The following SEMA5B variants were observed in gnomAD, a reference collection of about 807,000 sequenced individuals.
SEMA5B encodes semaphorin-5B.
Under a neutral mutation model 135.0 loss-of-function variants are expected in SEMA5B, and 66 were observed. The ratio of observed to expected loss-of-function variants is 0.49; its 90% CI spans 0.40 to 0.60. The LOEUF (loss-of-function observed/expected upper bound fraction) is 0.60. Among genes scored for constraint, SEMA5B ranks in the 20% least tolerant of loss-of-function variants. The pLI, the probability that SEMA5B is intolerant of heterozygous loss-of-function variation, is 0.00. For missense variants in SEMA5B, 1,501 were observed against 1,566.3 expected (o/e 0.96, Z 0.70); for synonymous variants, 690 against 639.5 (o/e 1.08, Z -1.19).
chr3:122,937,153 C>A (rs1298479993), intron 5 of SEMA5B, among the ~76,000 whole-genome samples: 2 of 152,198 alleles, frequency 1.3e-5, no homozygotes, highest in Admixed American at 1.3e-4. Context: ...TGGGCGGGGG[C>A]ACCCTGGCCC....
At chr3:122,947,639 T>A (rs769381707) in intron 3 of SEMA5B, among the ~76,000 whole-genome samples, 3 of 152,182 alleles carry the variant, frequency 2.0e-5, no homozygotes, top group Non-Finnish European at 1.5e-5. Flanking sequence ...TGGCCCACCA[T>A]GCCTAGGCCT....
chr3:122,914,254 A>G (rs1288787290), intron 14 of SEMA5B, among the ~76,000 whole-genome samples: 1 of 152,226 alleles, frequency 6.6e-6, no homozygotes, highest in East Asian at 1.9e-4. Flanking sequence ...ACGTAGAGGT[A>G]GGACATGGCC....
Position 122,927,861 on chromosome 3 carries a change from G to T in SEMA5B, c.779C>A (p.Pro260His), listed in dbSNP as rs2107655059. 6.3e-7 allele frequency: 1 copy of T among 1,589,164 alleles called. No individual in the cohort carries two copies. The highest frequency in any genetic ancestry group is 1.4e-5 in the African/African-American group (1 of 73,942). Residue 260 changes from proline to histidine, a missense_variant, in exon 8 of 23, where the codon CCT (proline) becomes CAT (histidine). Around this residue, in one of 2 missense-constraint regions of SEMA5B, gnomAD observed 574 missense variants for 684.7 expected, o/e 0.84. Coordinates refer to ENST00000357599, the MANE Select transcript of SEMA5B (RefSeq NM_001031702.4). The stretch of plus-strand genomic sequence containing the variant: ...ACTGCCCAGGCTGCGGTAGATGGCA[G>T]GGTCCCGACCTGAGAAGTCGATGAC... Reference protein sequence around the residue: ...ATVIDFSGRDPAIYRSLGSGP... With the variant: ...ATVIDFSGRDHAIYRSLGSGP...
chr3:122,970,690 T>A (rs1217746045), intron 1 of SEMA5B, among the ~76,000 whole-genome samples: 1 of 152,234 alleles, frequency 6.6e-6, no homozygotes, highest in Non-Finnish European at 1.5e-5. Flanking sequence ...ATCACAGCCT[T>A]CCTGCAAGGT....
chr3:122,995,538 T>C (rs925816050), intron 1 of SEMA5B, among the ~76,000 whole-genome samples: 5 of 152,120 alleles, frequency 3.3e-5, no homozygotes, highest in African/African-American at 1.2e-4. Context: ...GGGCCACACA[T>C]GGTTTACATC....
chr3:122,943,792 C>A lies in SEMA5B; in HGVS notation c.329-257G>T, dbSNP rs540153467. Among the ~76,000 whole-genome samples, 9 of 152,286 alleles carry A rather than the reference C, an allele frequency of 5.9e-5. No homozygotes were observed. The East Asian group carries it at 1.7e-3, about 29-fold the overall frequency. On this transcript the variant is annotated intron_variant, in intron 3 of 22. Coordinates refer to ENST00000357599, the MANE Select transcript of SEMA5B (RefSeq NM_001031702.4). Reference sequence around the variant, plus strand: ...AGAGGCATGAAGGGATACTTATACTCGCCCTTGACTTCCCCCAGACCTTCA... The same window carrying A: ...AGAGGCATGAAGGGATACTTATACTAGCCCTTGACTTCCCCCAGACCTTCA...
intron 1 of SEMA5B, among the ~76,000 whole-genome samples, chr3:123,007,740 A>C (rs2107781948): frequency 6.6e-6 from 1 of 152,344 alleles, no homozygotes; most frequent in African/African-American, 2.4e-5. Context: ...CACTAGATGC[A>C]GTCCCTTGAC....
At chr3:123,020,063 A>G (rs559943312) in intron 1 of SEMA5B, among the ~76,000 whole-genome samples, 2 of 152,376 alleles carry the variant, frequency 1.3e-5, no homozygotes, top group South Asian at 4.1e-4. Context: ...GTGAAAAAGC[A>G]TCAATATTCC....
rs536465499 is a variant in SEMA5B at position 122,983,650 on chromosome 3, G to A, written c.-38-22349C>T. ...GGAGAATGGCGTGAACCCGGGAGGCGGAGCTTGCAGTGAACCAAGATCACG... is the reference window on the plus strand; with the variant it reads ...GGAGAATGGCGTGAACCCGGGAGGCAGAGCTTGCAGTGAACCAAGATCACG... On this transcript the variant is annotated intron_variant, in intron 1 of 22. Transcript: ENST00000357599. 3.7e-4 allele frequency among the ~76,000 whole-genome samples: 54 copies of A among 145,964 alleles called. No individual in the cohort carries two copies. The South Asian group carries it at 0.011, about 31-fold the overall frequency.
In SEMA5B at chr3:122,909,167, C is replaced by A. The variant is rs1464445815; in HGVS notation, c.*976G>T. 3 of 152,582 alleles carry A rather than the reference C, an allele frequency of 2.0e-5. No homozygotes were observed. The highest frequency in any genetic ancestry group is 4.4e-5 in the Non-Finnish European group (3 of 68,038). 9.5% of individuals were successfully genotyped at this position (152,582 alleles called of 1,614,324 possible). ...ATTGCCTAGACTATGCAAGAGGAGC[C>A]CACGCACAGATGCACAGAGACATTT... is the stretch of plus-strand genomic sequence containing the variant. On this transcript the variant is annotated 3_prime_UTR_variant, in exon 23 of 23. Transcript: ENST00000357599.
At chr3:122,921,871 T>C in intron 12 of SEMA5B, 44 bp downstream of exon 12, 1 of 1,483,772 alleles carries the variant, frequency 6.7e-7, no homozygotes, top group Non-Finnish European at 8.9e-7. Flanking sequence ...CTTAAGCGCC[T>C]CCTCCGCAGT....
chr3:122,920,098 T>G (rs1294519661), intron 12 of SEMA5B, among the ~76,000 whole-genome samples: 1 of 152,238 alleles, frequency 6.6e-6, no homozygotes. Context: ...CACCACTGTC[T>G]GATTGATCTT....
chr3:122,979,688 T>G (rs1047825126), intron 1 of SEMA5B, among the ~76,000 whole-genome samples: 8 of 152,146 alleles, frequency 5.3e-5, no homozygotes, highest in African/African-American at 1.9e-4. Flanking sequence ...AGAAAGACAA[T>G]CCCTTAAAGA....
chr3:122,912,090 G>A (rs763750534), intron 19 of SEMA5B, 21 bp from the exon 20 acceptor site: 42 of 1,601,626 alleles, frequency 2.6e-5, no homozygotes, highest in Non-Finnish European at 3.5e-5. Context: ...TGGGTAGGAT[G>A]AGGTTAACTG....
chr3:122,997,576 G>C (rs1411531313), intron 1 of SEMA5B, among the ~76,000 whole-genome samples: 8 of 152,076 alleles, frequency 5.3e-5, no homozygotes, highest in African/African-American at 1.2e-4. Context: ...GAGGGGTAAT[G>C]GATTTCTTAA....
chr3:123,017,949 C>T (rs1039439565), intron 1 of SEMA5B, among the ~76,000 whole-genome samples: 1 of 151,886 alleles, frequency 6.6e-6, no homozygotes, highest in African/African-American at 2.4e-5. Context: ...TTTTGCTGGA[C>T]CCCAGACCAG....
At chr3:123,008,679 T>C (rs577651366) in intron 1 of SEMA5B, among the ~76,000 whole-genome samples, 7 of 152,250 alleles carry the variant, frequency 4.6e-5, no homozygotes, top group African/African-American at 1.7e-4. Context: ...GCATTCAAAA[T>C]CTTGGCAGAC....
chr3:122,948,645 G>C lies in SEMA5B; in HGVS notation c.189C>G (p.Gly63=), dbSNP rs765920912. The change falls in exon 3 of 23, where the codon GGC becomes GGG. Residue 63 remains glycine, a synonymous_variant. Transcript: ENST00000357599. ...TAEGPIMVLA[G]PLAVSLLLPS... is the part of the protein sequence containing the mutation. ...GCAGCAACAGCGAGACAGCCAGGGG[G>C]CCTGCAAGCACCATGATAGGCCCCT... The C allele has an allele frequency of 6.8e-6, 11 of 1,613,658 alleles. No individual in the cohort carries two copies. In the Admixed American group the frequency reaches 1.8e-4, roughly 27 times the overall value.
At chr3:122,960,021 C>T (rs555226408) in intron 2 of SEMA5B, among the ~76,000 whole-genome samples, 3 of 152,174 alleles carry the variant, frequency 2.0e-5, no homozygotes, top group Non-Finnish European at 4.4e-5. Context: ...TCCTCCTCCC[C>T]CTGGGCAGGC....
Sources: allele counts gnomAD v4.1 joint callset (sites outside exome capture counted in the v4.1 genomes callset), GRCh38; gene constraint gnomAD v4.1.1; regional missense constraint gnomAD v4.1.1; transcripts MANE v1.5; gene names NCBI Gene and HGNC (gene_info 2026-07-23, HGNC 2026-07-21).